Variants in USP30 observed in about 807,000 individuals in gnomAD.
The protein encoded by USP30 is ubiquitin specific peptidase 30, also known as ubiquitin carboxyl-terminal hydrolase 30.
USP30 carries 41 observed loss-of-function variants against 68.2 expected under a neutral mutation model. The ratio of observed to expected loss-of-function variants is 0.60; its 90% CI spans 0.47 to 0.78. USP30 has a LOEUF of 0.78. USP30 is among the 30% of genes least tolerant of loss of function. USP30 has a pLI of 0.00. For missense variants in USP30, 522 were observed against 649.4 expected (o/e 0.80, Z 2.13); for synonymous variants, 229 against 253.7 (o/e 0.90, Z 0.93).
In USP30 at chr12:109,055,403, T is replaced by A. The variant is rs1337110427; in HGVS notation, c.84-1279T>A. 1.4e-3 allele frequency among the ~76,000 whole-genome samples: 111 copies of A among 76,622 alleles called. 2 individuals are homozygous for A. Among genetic ancestry groups the A allele is most frequent in the African/African-American group, 4.4e-3 (93 of 21,128 alleles). The allele number at this position is 76,622 out of a possible 152,430, so 50.3% of individuals were successfully genotyped here. On this transcript the variant is annotated intron_variant, in intron 1 of 12. Transcript: ENST00000257548. ...ACATATATATATATATATATATATT[T>A]TTTTTTTTTTTTTTTTTGAGGCAGA... is the stretch of plus-strand genomic sequence containing the variant.
upstream of USP30, among the ~76,000 whole-genome samples, chr12:109,049,974 A>C (rs571149889): frequency 1.3e-5 from 2 of 152,282 alleles, no homozygotes; most frequent in South Asian, 4.1e-4. Flanking sequence ...AGTATCTTCG[A>C]AGCACAATAA....
chr12:109,058,216 C>G, intron 3 of USP30, 108 bp downstream of exon 3: 1 of 1,219,562 alleles, frequency 8.2e-7, no homozygotes, highest in Non-Finnish European at 1.1e-6. Flanking sequence ...AAAGATCATA[C>G]AGATCATTAT....
chr12:109,055,398 A>AT (rs1414168662), intron 1 of USP30, among the ~76,000 whole-genome samples: 27 of 30,354 alleles, frequency 8.9e-4, no homozygotes, highest in African/African-American at 1.7e-3. Context: ...ATATATATAT[A>AT]TATTTTTTTT....
intron 7 of USP30, among the ~76,000 whole-genome samples, chr12:109,074,512 A>G (rs1050880349): frequency 1.3e-5 from 2 of 152,156 alleles, no homozygotes; most frequent in Non-Finnish European, 2.9e-5. Flanking sequence ...AGGGGTTCCA[A>G]TTTCTTCACA....
At position 109,073,480 on chromosome 12, in the gene USP30, C is replaced by G; in HGVS notation, c.668C>G (p.Pro223Arg). The change falls in exon 7 of 13, where the codon CCT becomes CGT. Residue 223 changes from proline to arginine, a missense_variant. Coordinates refer to ENST00000257548, the MANE Select transcript of USP30 (RefSeq NM_032663.5). ...PTSNHWKSQH[P>R]FHGRLTSNMV... Reference sequence around the variant, plus strand: ...TCCAATCACTGGAAGTCTCAACATCCTTTTCATGGAAGACTCACTAGTAAT... The same window carrying G: ...TCCAATCACTGGAAGTCTCAACATCGTTTTCATGGAAGACTCACTAGTAAT... 1 of 1,614,100 alleles carries G rather than the reference C, an allele frequency of 6.2e-7. No homozygotes were observed. The highest frequency in any genetic ancestry group is 8.5e-7 in the Non-Finnish European group (1 of 1,179,916).
chr12:109,030,722 T>C (rs1271883819), intron 3 of USP30, among the ~76,000 whole-genome samples: 1 of 152,144 alleles, frequency 6.6e-6, no homozygotes, highest in Admixed American at 6.5e-5. Flanking sequence ...GTTCAAGCAA[T>C]TCTCTGCCTA....
chr12:109,068,960 G>A (rs995174188), intron 4 of USP30, among the ~76,000 whole-genome samples: 9 of 152,348 alleles, frequency 5.9e-5, no homozygotes, highest in African/African-American at 2.2e-4. Context: ...TCTAAAGCTA[G>A]AGCTTCAGAG....
chr12:109,046,990 G>A (rs557991172), intron 3 of USP30, among the ~76,000 whole-genome samples: 38 of 152,088 alleles, frequency 2.5e-4, no homozygotes, highest in African/African-American at 7.7e-4. Context: ...GAGCCACTGC[G>A]CCCGGCCAGC....
intron 11 of USP30, 151 bp downstream of exon 11, chr12:109,083,213 G>T: frequency 1.3e-6 from 1 of 755,422 alleles, no homozygotes; most frequent in Non-Finnish European, 2.0e-6. Context: ...GGGGGTGGAA[G>T]AGGGAAGATT....
chr12:109,069,229 C>G (rs2041352960), intron 4 of USP30, among the ~76,000 whole-genome samples: 1 of 152,212 alleles, frequency 6.6e-6, no homozygotes. Flanking sequence ...TGTTACATGG[C>G]TGACCCACGG....
At chr12:109,038,889 T>A (rs1175837350) in intron 3 of USP30, among the ~76,000 whole-genome samples, 1 of 152,206 alleles carries the variant, frequency 6.6e-6, no homozygotes, top group Non-Finnish European at 1.5e-5. Flanking sequence ...TTCATGTGCC[T>A]ACTGATCATT....
intron 8 of USP30, chr12:109,081,621 GCGCACACACACA>G (rs1566105520): frequency 5.5e-6 from 3 of 545,296 alleles, no homozygotes; most frequent in Non-Finnish European, 9.4e-6. Flanking sequence ...GCACGCATGC[GCGCACACACACA>G]CACACACACA....
rs1458938689 is a variant in USP30, at chr12:109,058,212, CA to C, written c.376+105del. 8.2e-6 allele frequency: 10 copies of C among 1,220,614 alleles called. No individual in the cohort carries two copies. The East Asian group carries it at 1.4e-4, about 17-fold the overall frequency. The allele number at this position is 1,220,614 out of a possible 1,614,324, so 75.6% of individuals were successfully genotyped here. ...TTAATACCTTATTGTAGGAAAAGAT[CA>C]TACAGATCATTATGAATAAACAACA... On this transcript the variant is annotated intron_variant, in intron 3 of 12. Coordinates refer to ENST00000257548, the MANE Select transcript of USP30 (RefSeq NM_032663.5).
chr12:109,051,784 G>A (rs1044559645), upstream of USP30, among the ~76,000 whole-genome samples: 1 of 151,978 alleles, frequency 6.6e-6, no homozygotes, highest in Admixed American at 6.6e-5. Context: ...TGGCCAAGCT[G>A]GTCTCGAACT....
chr12:109,066,778 C>CA (rs2041267953), intron 3 of USP30, among the ~76,000 whole-genome samples: 1 of 152,000 alleles, frequency 6.6e-6, no homozygotes, highest in Non-Finnish European at 1.5e-5. Context: ...CAAATACAAA[C>CA]AAATACAAGC....
chr12:109,047,706 G>A (rs775826768), upstream of USP30: 16 of 152,252 alleles, frequency 1.1e-4, no homozygotes, highest in Non-Finnish European at 1.6e-4. Flanking sequence ...CTTACTCAGA[G>A]TGTGTTGGGT....
chr12:109,062,272 A>G (rs578189782), intron 3 of USP30, among the ~76,000 whole-genome samples: 45 of 151,670 alleles, frequency 3.0e-4, no homozygotes, highest in African/African-American at 9.9e-4. Flanking sequence ...TTACATGGCC[A>G]AATATAATAC....
chr12:109,079,079 T>C (rs2041702300), intron 7 of USP30, among the ~76,000 whole-genome samples: 1 of 152,110 alleles, frequency 6.6e-6, no homozygotes, highest in African/African-American at 2.4e-5. Flanking sequence ...TTTATCTTAT[T>C]TATCTTGTTT....
chr12:109,068,030 C>T (rs1227311262), intron 4 of USP30, among the ~76,000 whole-genome samples: 2 of 152,162 alleles, frequency 1.3e-5, no homozygotes, highest in African/African-American at 4.8e-5. Context: ...ATCTTCGGAG[C>T]TTTGCTTAAA....
Sources: allele counts gnomAD v4.1 joint callset (sites outside exome capture counted in the v4.1 genomes callset), GRCh38; gene constraint gnomAD v4.1.1; transcripts MANE v1.5; gene names NCBI Gene and HGNC (gene_info 2026-07-23, HGNC 2026-07-21).